AGBL1: variants seen among roughly 807,000 people sequenced by gnomAD.
AGBL1 encodes cytosolic carboxypeptidase 4.
Under a neutral mutation model 118.9 loss-of-function variants are expected in AGBL1, and 130 were observed. The observed-to-expected ratio is 1.09, with a 90% CI of 0.95 to 1.26. The LOEUF (loss-of-function observed/expected upper bound fraction) is 1.26, where lower values mean the gene tolerates loss of function less well. Ranked by LOEUF, AGBL1 falls within the 50% of genes most tolerant of loss-of-function variation. The pLI is 0.00. For synonymous variants in AGBL1, 555 were observed against 478.9 expected (o/e 1.16, Z -2.08); for missense variants, 1,584 against 1,298.1 (o/e 1.22, Z -3.38).
intron 21 of AGBL1, among the ~76,000 whole-genome samples, chr15:86,623,167 G>T (rs1287405547): frequency 6.6e-6 from 1 of 152,186 alleles, no homozygotes; most frequent in Non-Finnish European, 1.5e-5. Context: ...TATCAGGTGG[G>T]GACCCCTGTT....
chr15:86,638,334 G>A (rs28679402), intron 21 of AGBL1, among the ~76,000 whole-genome samples: 4,075 of 152,260 alleles, frequency 0.027, 181 homozygotes, highest in African/African-American at 0.092. Flanking sequence ...ACAATGGTGT[G>A]GGATCTGGCT....
intron 17 of AGBL1, among the ~76,000 whole-genome samples, chr15:86,375,161 G>T (rs2081024785): frequency 6.6e-6 from 1 of 152,110 alleles, no homozygotes; most frequent in Non-Finnish European, 1.5e-5. Flanking sequence ...GCTTTGAAAG[G>T]TGCTGTATTA....
At chr15:86,207,005 A>G (rs1391264386) in intron 5 of AGBL1, among the ~76,000 whole-genome samples, 1 of 152,152 alleles carries the variant, frequency 6.6e-6, no homozygotes, top group Non-Finnish European at 1.5e-5. Context: ...TAGGGAAGGG[A>G]TCCAGTTTCA....
At chr15:86,220,038 A>G (rs2078256686) in intron 5 of AGBL1, among the ~76,000 whole-genome samples, 1 of 138,260 alleles carries the variant, frequency 7.2e-6, no homozygotes, top group Non-Finnish European at 1.5e-5. Flanking sequence ...TGCAACCTCT[A>G]CTGCCTGGGT....
chr15:86,379,148 GATGATCCA>G (rs2081078893), intron 17 of AGBL1, among the ~76,000 whole-genome samples: 1 of 151,830 alleles, frequency 6.6e-6, no homozygotes, highest in Non-Finnish European at 1.5e-5. Flanking sequence ...CCTCACTTCT[GATGATCCA>G]CCTGCCTCAG....
chr15:86,891,055 T>A (rs1330975601), intron 22 of AGBL1, among the ~76,000 whole-genome samples: 1 of 152,204 alleles, frequency 6.6e-6, no homozygotes, highest in Non-Finnish European at 1.5e-5. Flanking sequence ...CATTTGTTTG[T>A]GTCCTTTCTG....
intron 18 of AGBL1, among the ~76,000 whole-genome samples, chr15:86,441,198 A>G (rs978662002): frequency 6.6e-6 from 1 of 152,212 alleles, no homozygotes; most frequent in African/African-American, 2.4e-5. Context: ...CATAGCCCTG[A>G]GTGATGGTTA....
chr15:86,638,570 C>T (rs2085141468), intron 21 of AGBL1, among the ~76,000 whole-genome samples: 1 of 152,146 alleles, frequency 6.6e-6, no homozygotes, highest in Non-Finnish European at 1.5e-5. Flanking sequence ...TCTCCTTTAT[C>T]TCCAAGACTC....
chr15:86,440,285 T>C (rs987437352), intron 18 of AGBL1, among the ~76,000 whole-genome samples: 1 of 152,024 alleles, frequency 6.6e-6, no homozygotes, highest in African/African-American at 2.4e-5. Flanking sequence ...TAAAAGAATC[T>C]GCCCAACCAG....
intron 21 of AGBL1, among the ~76,000 whole-genome samples, chr15:86,570,301 T>C (rs139474954): frequency 1.4e-3 from 206 of 152,270 alleles, no homozygotes; most frequent in Non-Finnish European, 2.5e-3. Context: ...CTTGACACCA[T>C]CGTGAGAAGG....
At chr15:86,821,956 T>G (rs532466223) in intron 22 of AGBL1, among the ~76,000 whole-genome samples, 1 of 152,286 alleles carries the variant, frequency 6.6e-6, no homozygotes, top group South Asian at 2.1e-4. Context: ...ATACCTGTGC[T>G]GGTCACCTTT....
chr15:86,797,736 G>T (rs576979028), intron 22 of AGBL1, among the ~76,000 whole-genome samples: 3 of 152,306 alleles, frequency 2.0e-5, no homozygotes, highest in African/African-American at 4.8e-5. Flanking sequence ...TTTAAAGCAT[G>T]GGGCAGGGGT....
intron 1 of AGBL1, among the ~76,000 whole-genome samples, chr15:86,094,360 C>T (rs1006167232): frequency 6.6e-6 from 1 of 152,066 alleles, no homozygotes; most frequent in Admixed American, 6.6e-5. Context: ...TATTTACTTG[C>T]TTTTGCCTTG....
In AGBL1 at chr15:86,270,006, G is replaced by C; in HGVS notation, c.1926G>C (p.Ala642=). Residue 642 remains alanine, a synonymous_variant, in exon 14 of 23, where the codon GCG becomes GCC. Transcript: ENST00000614907. ...WFYFKVSGMQ[A]AIPYHFNIIN... is the part of the protein sequence containing the mutation. ...ATTTCAAAGTGAGCGGTATGCAGGC[G>C]GCCATCCCTTACCACTTCAACATCA... is the stretch of plus-strand genomic sequence containing the variant. 6.2e-7 allele frequency: 1 copy of C among 1,613,488 alleles called. No homozygotes were observed. Among genetic ancestry groups the C allele is most frequent in the South Asian group, 1.1e-5 (1 of 90,918 alleles).
At chr15:86,516,506 T>A (rs764147984) in intron 18 of AGBL1, among the ~76,000 whole-genome samples, 6 of 152,124 alleles carry the variant, frequency 3.9e-5, no homozygotes, top group South Asian at 2.1e-4. Flanking sequence ...TGTGTAGAAA[T>A]GTGAATTAAC....
At chr15:87,013,106 T>C (rs962425895) in intron 24 of AGBL1, among the ~76,000 whole-genome samples, 3 of 152,202 alleles carry the variant, frequency 2.0e-5, no homozygotes, top group Non-Finnish European at 2.9e-5. Context: ...TCCCAAGTAA[T>C]TGCGGTGGCT....
At chr15:86,716,653 C>T (rs541404071) in intron 22 of AGBL1, among the ~76,000 whole-genome samples, 2 of 152,306 alleles carry the variant, frequency 1.3e-5, no homozygotes, top group South Asian at 2.1e-4. Context: ...ATAGAAAGGA[C>T]ACCTACACCT....
chr15:86,199,680 C>A (rs563722485), intron 5 of AGBL1, among the ~76,000 whole-genome samples: 203 of 152,272 alleles, frequency 1.3e-3, no homozygotes, highest in Admixed American at 1.8e-3. Context: ...CTTCTAGCTA[C>A]GTGGCTTGAA....
intron 19 of AGBL1, among the ~76,000 whole-genome samples, chr15:86,531,954 C>T (rs960880503): frequency 6.6e-5 from 10 of 151,458 alleles, no homozygotes; most frequent in African/African-American, 1.2e-4. Flanking sequence ...ATTGATGGGA[C>T]GTATTTCAAA....
Sources: gnomAD v4.1 joint callset for allele counts (sites outside exome capture counted in the v4.1 genomes callset) on GRCh38, gnomAD v4.1.1 for gene constraint, MANE v1.5 for transcripts, NCBI Gene and HGNC (gene_info 2026-07-23, HGNC 2026-07-21) for gene names.